Variants in COL11A1 observed in about 807,000 individuals in gnomAD.
COL11A1 encodes the protein collagen alpha-1(XI) chain.
Under a neutral mutation model 265.2 loss-of-function variants are expected in COL11A1, and 74 were observed. That is an observed-to-expected ratio of 0.28 (90% CI 0.23 to 0.34). The LOEUF is 0.34. Ranked by LOEUF, COL11A1 falls within the 10% of genes least tolerant of loss-of-function variation. COL11A1 has a pLI of 1.00. For missense variants in COL11A1, 2,165 were observed against 2,263.6 expected (o/e 0.96, Z 0.88); for synonymous variants, 816 against 727.6 (o/e 1.12, Z -1.96).
chr1:102,971,342 G>T (rs1661964149), intron 36 of COL11A1, among the ~76,000 whole-genome samples: 1 of 152,124 alleles, frequency 6.6e-6, no homozygotes, highest in Non-Finnish European at 1.5e-5. Flanking sequence ...TTAGTAGAAA[G>T]AAACTGCTTC....
chr1:102,912,331 C>A, intron 53 of COL11A1, 119 bp from the exon 54 acceptor site: 1 of 764,086 alleles, frequency 1.3e-6, no homozygotes, highest in Non-Finnish European at 2.1e-6. Context: ...TCAATATTTC[C>A]TGGAAAATCT....
At chr1:103,100,012 T>A (rs1674118684) in intron 1 of COL11A1, 1 of 151,802 alleles carries the variant, frequency 6.6e-6, no homozygotes, top group Admixed American at 6.6e-5. Context: ...ATAGTTACTA[T>A]ATCAATGCTG....
At chr1:103,039,468 T>C (rs1668638240) in intron 4 of COL11A1, among the ~76,000 whole-genome samples, 2 of 152,100 alleles carry the variant, frequency 1.3e-5, no homozygotes, top group Admixed American at 1.3e-4. Flanking sequence ...GCCACTAGTA[T>C]GGTCCTGATT....
At chr1:102,975,423 G>A (rs1459424088) in intron 35 of COL11A1, among the ~76,000 whole-genome samples, 1 of 151,808 alleles carries the variant, frequency 6.6e-6, no homozygotes, top group African/African-American at 2.4e-5. Flanking sequence ...TATTTATTTT[G>A]GATGATGTCA....
chr1:103,015,983 C>T (rs1666536301), intron 11 of COL11A1, among the ~76,000 whole-genome samples: 1 of 151,914 alleles, frequency 6.6e-6, no homozygotes, highest in Non-Finnish European at 1.5e-5. Flanking sequence ...TTTGCTCAAA[C>T]TTTGTTCACA....
chr1:102,979,039 A>C (rs1225229274), intron 33 of COL11A1, 21 bp downstream of exon 33: 3 of 1,613,798 alleles, frequency 1.9e-6, no homozygotes, highest in Non-Finnish European at 2.5e-6. Context: ...AATGTACATC[A>C]TTTTAAATCA....
intron 42 of COL11A1, among the ~76,000 whole-genome samples, chr1:102,941,718 A>G (rs1402226811): frequency 1.3e-5 from 2 of 152,136 alleles, no homozygotes; most frequent in East Asian, 1.9e-4. Context: ...AAAGTCCCCA[A>G]TTCTAGCAGG....
At position 103,025,030 on chromosome 1, in the gene COL11A1, C is replaced by A. The variant is rs1204867728; in HGVS notation, c.990+491G>T. 1.3e-5 allele frequency among the ~76,000 whole-genome samples: 2 copies of A among 152,000 alleles called. 1 individual carries two copies. The highest frequency in any genetic ancestry group is 4.1e-4 in the South Asian group (2 of 4,824). On this transcript the variant is annotated intron_variant, in intron 7 of 66. Coordinates refer to ENST00000370096, the MANE Select transcript of COL11A1 (RefSeq NM_001854.4). ...TTTAATAAGAATTAATATTACATTC[C>A]TAACAAGTTTGAAAATGTAAATAGT...
chr1:102,904,130 T>A (rs1653584328), intron 54 of COL11A1, among the ~76,000 whole-genome samples: 1 of 152,180 alleles, frequency 6.6e-6, no homozygotes, highest in African/African-American at 2.4e-5. Context: ...CTCAAAGTGC[T>A]GGGATCTTGA....
At chr1:102,921,663 T>G (rs1656004062) in intron 47 of COL11A1, 92 bp from the exon 48 acceptor site, 5 of 1,117,596 alleles carry the variant, frequency 4.5e-6, no homozygotes, top group East Asian at 4.7e-5. Context: ...AAAAGAAGTT[T>G]AAGCTTGTAA....
In COL11A1 at chr1:103,005,896, A is replaced by G; in HGVS notation, c.1792-5T>C. The G allele has an allele frequency of 6.4e-7, 1 of 1,550,568 alleles. No homozygotes were observed. ...TCCATCAAACCCTCGATCTCCCTGT[A>G]AAACCATCATCATCATCATCATCAT... On this transcript the variant is annotated splice_region_variant and splice_polypyrimidine_tract_variant and intron_variant, in intron 17 of 66. Coordinates refer to ENST00000370096, the MANE Select transcript of COL11A1 (RefSeq NM_001854.4).
At chr1:102,929,860 A>AT (rs1369040795) in intron 46 of COL11A1, among the ~76,000 whole-genome samples, 1 of 152,158 alleles carries the variant, frequency 6.6e-6, no homozygotes, top group Non-Finnish European at 1.5e-5. Context: ...GCAATTGTGA[A>AT]TGGGAGTTCA....
At chr1:103,079,948 C>T (rs1672270284) in intron 2 of COL11A1, among the ~76,000 whole-genome samples, 1 of 151,880 alleles carries the variant, frequency 6.6e-6, no homozygotes, top group African/African-American at 2.4e-5. Context: ...ATCAGCAATT[C>T]TACTTCTAAG....
chr1:102,940,297 G>C, intron 43 of COL11A1, 30 bp downstream of exon 43: 1 of 1,540,562 alleles, frequency 6.5e-7, no homozygotes, highest in South Asian at 1.1e-5. Context: ...TTTTTCACAG[G>C]ATCTACTAAC....
At chr1:103,070,170 A>G (rs541675312) in intron 4 of COL11A1, among the ~76,000 whole-genome samples, 1 of 150,274 alleles carries the variant, frequency 6.7e-6, no homozygotes, top group South Asian at 2.1e-4. Context: ...ATGGATGAAA[A>G]AATTTTGGTG....
intron 4 of COL11A1, among the ~76,000 whole-genome samples, chr1:103,069,947 C>G (rs897984412): frequency 2.0e-5 from 3 of 151,706 alleles, no homozygotes; most frequent in East Asian, 1.9e-4. Context: ...CTCTCATACA[C>G]TGCTGAAGGG....
chr1:102,983,643 TC>T (rs1241372232), intron 31 of COL11A1, among the ~76,000 whole-genome samples: 1 of 152,004 alleles, frequency 6.6e-6, no homozygotes, highest in Non-Finnish European at 1.5e-5. Flanking sequence ...CATACTTCTG[TC>T]CTCCAGAACT....
chr1:102,981,776 T>C (rs949741055), intron 31 of COL11A1, among the ~76,000 whole-genome samples: 5 of 152,010 alleles, frequency 3.3e-5, no homozygotes, highest in Admixed American at 3.3e-4. Flanking sequence ...AAATGCTGTC[T>C]GAAATATAAA....
At chr1:103,106,882 C>A (rs1674733805) in intron 1 of COL11A1, among the ~76,000 whole-genome samples, 1 of 152,172 alleles carries the variant, frequency 6.6e-6, no homozygotes, top group Non-Finnish European at 1.5e-5. Flanking sequence ...CAGGGCCACA[C>A]TCAAGTTTCT....
Sources: gnomAD v4.1 joint callset for allele counts (sites outside exome capture counted in the v4.1 genomes callset) on GRCh38, gnomAD v4.1.1 for gene constraint, MANE v1.5 for transcripts, NCBI Gene and HGNC (gene_info 2026-07-23, HGNC 2026-07-21) for gene names.